The following TTLL5 variants were observed in gnomAD, a reference collection of about 807,000 sequenced individuals.
TTLL5 encodes the protein tubulin tyrosine ligase like 5.
TTLL5 carries 132 observed loss-of-function variants against 168.4 expected under a neutral mutation model. The ratio of observed to expected loss-of-function variants is 0.78; its 90% CI spans 0.68 to 0.91. TTLL5 has a LOEUF of 0.91. Ranked by LOEUF, TTLL5 falls within the 40% of genes least tolerant of loss-of-function variation. The pLI is 0.00. For synonymous variants in TTLL5, 546 were observed against 558.6 expected (o/e 0.98, Z 0.32); for missense variants, 1,545 against 1,581.5 (o/e 0.98, Z 0.39).
chr14:75,760,405 C>T (rs61980796), intron 18 of TTLL5, among the ~76,000 whole-genome samples: 12,098 of 151,834 alleles, frequency 0.08, 761 homozygotes, highest in Non-Finnish European at 0.11. Flanking sequence ...GTTAAAATAG[C>T]CATTTTCCTC....
intron 6 of TTLL5, among the ~76,000 whole-genome samples, chr14:75,695,488 C>T (rs1426025191): frequency 6.6e-6 from 1 of 152,090 alleles, no homozygotes; most frequent in Admixed American, 6.5e-5. Context: ...ATCTCTGTGA[C>T]CCACACCCTA....
chr14:75,836,974 C>T (rs1168967357), intron 28 of TTLL5, among the ~76,000 whole-genome samples: 1 of 152,098 alleles, frequency 6.6e-6, no homozygotes, highest in Non-Finnish European at 1.5e-5. Flanking sequence ...TTACCTATTG[C>T]AACAAAACAA....
intron 31 of TTLL5, chr14:75,904,216 A>AG: frequency 8.4e-7 from 1 of 1,186,162 alleles, no homozygotes. Flanking sequence ...AAAAAAAAAA[A>AG]GGAAAGAAAA....
At chr14:75,799,264 T>A (rs1007591573) in intron 27 of TTLL5, among the ~76,000 whole-genome samples, 2 of 152,202 alleles carry the variant, frequency 1.3e-5, no homozygotes, top group Non-Finnish European at 2.9e-5. Flanking sequence ...ATCTTTAAAG[T>A]TTGCTTTGTC....
intron 15 of TTLL5, chr14:75,744,417 G>C (rs1433573071): frequency 6.6e-6 from 1 of 152,178 alleles, no homozygotes; most frequent in Non-Finnish European, 1.5e-5. Flanking sequence ...AAATAGCCAA[G>C]ATCCTCTTCT....
chr14:75,937,240 C>A (rs1192299458), intron 31 of TTLL5, among the ~76,000 whole-genome samples: 4 of 152,022 alleles, frequency 2.6e-5, no homozygotes, highest in African/African-American at 7.3e-5. Flanking sequence ...CCTCAGCCTC[C>A]CTAGTAGCTG....
chr14:75,694,856 TCTTTA>T (rs1461141254), intron 6 of TTLL5, among the ~76,000 whole-genome samples: 4 of 152,234 alleles, frequency 2.6e-5, no homozygotes, highest in African/African-American at 4.8e-5. Flanking sequence ...CCTATGTCTG[TCTTTA>T]CTTTAATCTC....
At chr14:75,918,448 A>G (rs545606735) in intron 31 of TTLL5, among the ~76,000 whole-genome samples, 5 of 152,152 alleles carry the variant, frequency 3.3e-5, no homozygotes, top group South Asian at 4.2e-4. Context: ...CTTGACTGCT[A>G]TAAATAGATA....
At chr14:75,891,841 C>T (rs2032418560) in intron 30 of TTLL5, among the ~76,000 whole-genome samples, 1 of 152,202 alleles carries the variant, frequency 6.6e-6, no homozygotes, top group South Asian at 2.1e-4. Context: ...AGAGATAGCA[C>T]TAAGCTTCTG....
chr14:75,787,702 C>T lies in TTLL5; in HGVS notation c.2986+4172C>T, dbSNP rs181328788. On this transcript the variant is annotated intron_variant, in intron 26 of 31. Coordinates refer to ENST00000298832, the MANE Select transcript of TTLL5 (RefSeq NM_015072.5). ...TGTACCCAATAATTAGACAAAACGC[C>T]TCAAGCGTACATGATATATTTATAA... Among the ~76,000 whole-genome samples the T allele has an allele frequency of 1.9e-3, 295 of 152,220 alleles. 2 individuals carry two copies. The highest frequency in any genetic ancestry group is 6.9e-3 in the African/African-American group (285 of 41,522).
intron 31 of TTLL5, 106 bp from the exon 32 acceptor site, chr14:75,954,318 A>G: frequency 3.4e-6 from 4 of 1,162,616 alleles, no homozygotes; most frequent in Non-Finnish European, 5.1e-6. Flanking sequence ...TTGGGCCACC[A>G]CTTCTTTATT....
intron 28 of TTLL5, among the ~76,000 whole-genome samples, chr14:75,821,525 C>T (rs1894831366): frequency 6.6e-6 from 1 of 152,176 alleles, no homozygotes; most frequent in Non-Finnish European, 1.5e-5. Context: ...GACAAGGCTA[C>T]AGGCATTGCT....
intron 18 of TTLL5, among the ~76,000 whole-genome samples, chr14:75,754,222 G>A (rs1255690650): frequency 6.6e-6 from 1 of 151,990 alleles, no homozygotes. Context: ...TTTGCTTTTC[G>A]ATTAGTTTTA....
In TTLL5 at chr14:75,856,862, T is replaced by C. The variant is rs188687056; in HGVS notation, c.3327-6805T>C. On this transcript the variant is annotated intron_variant, in intron 28 of 31. Transcript: ENST00000298832. ...GGCTGGTCTCAAACTCCTAACTTTG[T>C]GATCTGCCCACCTCCGCCTCCCAAG... is the stretch of plus-strand genomic sequence containing the variant. Among the ~76,000 whole-genome samples, 1,281 of 152,260 alleles carry C rather than the reference T, an allele frequency of 8.4e-3. 11 individuals are homozygous for C. The highest frequency in any genetic ancestry group is 0.014 in the Non-Finnish European group (964 of 68,010).
intron 28 of TTLL5, among the ~76,000 whole-genome samples, chr14:75,843,493 A>G (rs1396503539): frequency 6.6e-6 from 1 of 152,270 alleles, no homozygotes; most frequent in Non-Finnish European, 1.5e-5. Context: ...GACACCTTTA[A>G]AAGTTCATCT....
At chr14:75,832,576 C>A (rs573374667) in intron 28 of TTLL5, among the ~76,000 whole-genome samples, 9 of 152,296 alleles carry the variant, frequency 5.9e-5, no homozygotes, top group African/African-American at 2.2e-4. Flanking sequence ...AAAGTGATGC[C>A]TGGATTGTCA....
Position 75,667,751 on chromosome 14 carries a change from G to GTTTTTTTT in TTLL5, c.75-1647_75-1640dup, listed in dbSNP as rs67181555. ...GCATTCAGAGTGTGGATCTTTTTATGTTTTTTTTTTTTTTTTTTTTTTTTT... is the reference window on the plus strand; with the variant it reads ...GCATTCAGAGTGTGGATCTTTTTATGTTTTTTTTTTTTTTTTTTTTTTTTTTTTTTTTT... On this transcript the variant is annotated intron_variant, in intron 2 of 31. Coordinates refer to ENST00000298832, the MANE Select transcript of TTLL5 (RefSeq NM_015072.5). Among the ~76,000 whole-genome samples the GTTTTTTTT allele has an allele frequency of 7.4e-4, 66 of 89,092 alleles. 2 individuals are homozygous for GTTTTTTTT. Among genetic ancestry groups the GTTTTTTTT allele is most frequent in the Non-Finnish European group, 8.9e-4 (44 of 49,544 alleles). 58.4% of individuals were successfully genotyped at this position (89,092 alleles called of 152,430 possible). A position where few individuals can be genotyped will look rare whatever the true frequency, so the allele number is the denominator to read the frequency against.
chr14:75,846,792 GAAAAAA>G (rs5809732), intron 28 of TTLL5, among the ~76,000 whole-genome samples: 3 of 99,224 alleles, frequency 3.0e-5, no homozygotes, highest in South Asian at 6.9e-4. Flanking sequence ...CTCCATCTCA[GAAAAAA>G]AAAAAAAAAA....
chr14:75,702,537 T>C (rs1189142858), intron 7 of TTLL5, among the ~76,000 whole-genome samples: 2 of 152,324 alleles, frequency 1.3e-5, no homozygotes, highest in East Asian at 3.9e-4. Flanking sequence ...GAATGCTTTT[T>C]TGCCCTAGTG....
Sources: gnomAD v4.1 joint callset for allele counts (sites outside exome capture counted in the v4.1 genomes callset) on GRCh38, gnomAD v4.1.1 for gene constraint, MANE v1.5 for transcripts, NCBI Gene and HGNC (gene_info 2026-07-23, HGNC 2026-07-21) for gene names.